The following KASH5 variants were observed in gnomAD, a reference collection of about 807,000 sequenced individuals.
KASH5 encodes KASH domain containing 5, also known as protein KASH5.
Under a neutral mutation model 84.2 loss-of-function variants are expected in KASH5, and 72 were observed. The observed-to-expected ratio is 0.85, with a 90% CI of 0.71 to 1.04. The LOEUF (loss-of-function observed/expected upper bound fraction) is 1.04, where lower values mean the gene tolerates loss of function less well. Among genes scored for constraint, KASH5 ranks in the 50% least tolerant of loss-of-function variants. The pLI, the probability that KASH5 is intolerant of heterozygous loss-of-function variation, is 0.00. For missense variants in KASH5, 650 were observed against 701.0 expected, an observed-to-expected ratio of 0.93 and a Z score of 0.82; for synonymous variants, 260 against 279.1, an observed-to-expected ratio of 0.93 and a Z score of 0.68.
intron 9 of KASH5, among the ~76,000 whole-genome samples, chr19:49,403,389 G>C (rs371671222): frequency 0.2 from 30,712 of 151,716 alleles, 3,472 homozygotes; most frequent in Non-Finnish European, 0.25. Flanking sequence ...AAAAAAAGGG[G>C]GGGGGCAGCC....
At chr19:49,404,175 A>G (rs1568617152) in intron 9 of KASH5, among the ~76,000 whole-genome samples, 2 of 152,092 alleles carry the variant, frequency 1.3e-5, no homozygotes, top group Admixed American at 6.6e-5. Flanking sequence ...GAGGGAGAGC[A>G]GCTGATGGAG....
chr19:49,398,109 G>C lies in KASH5; in HGVS notation c.595G>C (p.Glu199Gln), dbSNP rs755543638. ...TGAGGAGGGGTCAGCACGCCTTGGG[G>C]AGGAGATCTTGGCTCTGCGTAAGCA... ...TAEEGSARLG[E>Q]EILALRKQLH... Residue 199 changes from glutamate to glutamine, a missense_variant, in exon 7 of 20, where the codon GAG (glutamate) becomes CAG (glutamine). Physicochemically the swap from Glu to Gln is conservative, Grantham distance 29. Coordinates refer to ENST00000447857, the MANE Select transcript of KASH5 (RefSeq NM_144688.5). The C allele has an allele frequency of 2.9e-5, 46 of 1,603,616 alleles. No individual in the cohort carries two copies. Among genetic ancestry groups the C allele is most frequent in the Non-Finnish European group, 3.8e-5 (44 of 1,171,982 alleles).
intron 10 of KASH5, 81 bp downstream of exon 10, chr19:49,407,044 C>T: frequency 2.1e-6 from 3 of 1,398,572 alleles, no homozygotes; most frequent in Non-Finnish European, 3.0e-6. Context: ...TGACTGCAGC[C>T]TGATAAGGGC....
Position 49,406,972 on chromosome 19 carries a change from C to A in KASH5, c.876+9C>A. 1 of 1,578,168 alleles carries A rather than the reference C, an allele frequency of 6.3e-7. No individual in the cohort carries two copies. ...AGAAGGACACTTTGAAGGTGCCACTCCTTCCTAGTGCCTGACAACTTTCCA... is the reference window on the plus strand; with the variant it reads ...AGAAGGACACTTTGAAGGTGCCACTACTTCCTAGTGCCTGACAACTTTCCA... On this transcript the variant is annotated intron_variant, in intron 10 of 19. Coordinates refer to ENST00000447857, the MANE Select transcript of KASH5 (RefSeq NM_144688.5).
chr19:49,388,579 C>G (rs1222476882), intron 1 of KASH5: 2 of 152,090 alleles, frequency 1.3e-5, no homozygotes, highest in Non-Finnish European at 2.9e-5. Context: ...ATAATCCCAG[C>G]TACTCAGGAG....
intron 17 of KASH5, 138 bp downstream of exon 17, chr19:49,415,134 A>C (rs570033890): frequency 2.1e-5 from 18 of 856,850 alleles, no homozygotes; most frequent in Non-Finnish European, 3.0e-5. Context: ...TGGCCAAGAG[A>C]TAACAAGGCC....
intron 16 of KASH5, among the ~76,000 whole-genome samples, chr19:49,413,456 C>T (rs1188061696): frequency 7.2e-5 from 11 of 152,208 alleles, no homozygotes; most frequent in Admixed American, 7.2e-4. Flanking sequence ...TGACTGGGCC[C>T]ACCCTCCTCC....
Position 49,403,483 on chromosome 19 carries a change from G to A in KASH5, c.799-3403G>A, listed in dbSNP as rs546724592. Among the ~76,000 whole-genome samples the A allele has an allele frequency of 5.3e-5, 8 of 152,298 alleles. No homozygotes were observed. The East Asian group carries it at 1.5e-3, about 29-fold the overall frequency. Reference sequence around the variant, plus strand: ...CTCTTACATCTCACTGGCCAGAACTGGCTGACATAACGCCCCCAGCTGCAA... The same window carrying A: ...CTCTTACATCTCACTGGCCAGAACTAGCTGACATAACGCCCCCAGCTGCAA... On this transcript the variant is annotated intron_variant, in intron 9 of 19. Transcript: ENST00000447857.
In KASH5 at chr19:49,395,613, C is replaced by A; in HGVS notation, c.336-156C>A. ...TGCCCCTCCTGCTTTTCCATCTGGC[C>A]ACGGGCACTTGCCATCTGGCCTCAC... On this transcript the variant is annotated intron_variant, in intron 4 of 19. Transcript: ENST00000447857. This position sits in a 1 kb window ranked among gnomAD's most constrained non-coding sequence, Gnocchi z 4.4. 1 of 733,704 alleles carries A rather than the reference C, an allele frequency of 1.4e-6. No individual in the cohort carries two copies. The highest frequency in any genetic ancestry group is 2.4e-5 in the Admixed American group (1 of 41,528). 45.4% of individuals were successfully genotyped at this position (733,704 alleles called of 1,614,324 possible).
intron 9 of KASH5, among the ~76,000 whole-genome samples, chr19:49,405,833 G>C (rs1974507383): frequency 6.6e-6 from 1 of 151,758 alleles, no homozygotes; most frequent in African/African-American, 2.4e-5. Flanking sequence ...GCACATGCCT[G>C]TAATCCCAGC....
Position 49,409,282 on chromosome 19 carries a change from A to G in KASH5, c.1145A>G (p.Gln382Arg), listed in dbSNP as rs781351200. ...SLGLEIEAIR[Q>R]KQEVATADLS... ...GGCTTGGAGATCGAGGCCATTCGAC[A>G]GGTGGGCCTAACACCCCTGGAATAA... Residue 382 changes from glutamine (Q) to arginine (R), a missense_variant and splice_region_variant, in exon 14 of 20, where the codon CAG (glutamine) becomes CGG (arginine). Coordinates refer to ENST00000447857, the MANE Select transcript of KASH5 (RefSeq NM_144688.5). The G allele has an allele frequency of 5.3e-5, 85 of 1,613,394 alleles. No homozygotes were observed. The highest frequency in any genetic ancestry group is 7.2e-5 in the Non-Finnish European group (85 of 1,179,764).
intron 9 of KASH5, among the ~76,000 whole-genome samples, chr19:49,403,439 C>T (rs549032283): frequency 6.6e-6 from 1 of 152,292 alleles, no homozygotes; most frequent in East Asian, 1.9e-4. Flanking sequence ...TCAGAAGCCT[C>T]TCACCCCACC....
chr19:49,409,637 C>T, intron 14 of KASH5, 116 bp from the exon 15 acceptor site: 2 of 1,336,994 alleles, frequency 1.5e-6, no homozygotes, highest in Admixed American at 2.0e-5. Flanking sequence ...CCCACACCAG[C>T]CCTTTTCTAT....
At chr19:49,407,212 A>T (rs1344533973) in intron 10 of KASH5, 28 bp from the exon 11 acceptor site, 1 of 1,611,820 alleles carries the variant, frequency 6.2e-7, no homozygotes, top group Non-Finnish European at 8.5e-7. Context: ...GGGAGGCTGG[A>T]TGGATGGACC....
chr19:49,413,029 A>G lies in KASH5; in HGVS notation c.1328+3A>G, dbSNP rs1974771842. On this transcript the variant is annotated splice_donor_region_variant and intron_variant, in intron 16 of 19. Coordinates refer to ENST00000447857, the MANE Select transcript of KASH5 (RefSeq NM_144688.5). ...GGAAGGAAGGAGCCATCCATGTGGT[A>G]AGGAGCTGAGCCATCCGTCTGCCTC... 6.2e-7 allele frequency: 1 copy of G among 1,612,010 alleles called. No homozygotes were observed. Among genetic ancestry groups the G allele is most frequent in the South Asian group, 1.1e-5 (1 of 91,070 alleles).
At chr19:49,410,162 GA>G (rs1191388949) in intron 15 of KASH5, among the ~76,000 whole-genome samples, 2 of 152,164 alleles carry the variant, frequency 1.3e-5, no homozygotes, top group Non-Finnish European at 2.9e-5. Flanking sequence ...ACACTCTTGG[GA>G]ATTACATTAT....
At chr19:49,396,342 C>T (rs1974182313) in intron 5 of KASH5, among the ~76,000 whole-genome samples, 1 of 151,900 alleles carries the variant, frequency 6.6e-6, no homozygotes, top group South Asian at 2.1e-4. Context: ...GCCACCCCCG[C>T]CTCCTGGGTT....
intron 12 of KASH5, chr19:49,408,315 G>A (rs1014600061): frequency 3.2e-5 from 5 of 157,386 alleles, no homozygotes; most frequent in Admixed American, 3.0e-4. Context: ...TTCTCTGTTT[G>A]GCTCTGGTCT....
chr19:49,395,603 TCCATCTGGCCACGGGCACTTG>T lies in KASH5; in HGVS notation c.336-155_336-135del, dbSNP rs1974148969. 5 of 697,358 alleles carry T rather than the reference TCCATCTGGCCACGGGCACTTG, an allele frequency of 7.2e-6. 1 individual carries two copies. In the South Asian group the frequency reaches 9.0e-5, roughly 12 times the overall value. 43.2% of individuals were successfully genotyped at this position (697,358 alleles called of 1,614,324 possible). On this transcript the variant is annotated intron_variant, in intron 4 of 19. Coordinates refer to ENST00000447857, the MANE Select transcript of KASH5 (RefSeq NM_144688.5). The surrounding 1 kb of genome is among the most constrained non-coding windows in gnomAD (Gnocchi z 4.4). ...ACCCACTCCTTGCCCCTCCTGCTTT[TCCATCTGGCCACGGGCACTTG>T]CCATCTGGCCTCACCCTCCTACCCT...
Sources: allele counts gnomAD v4.1 joint callset (sites outside exome capture counted in the v4.1 genomes callset), GRCh38; gene constraint gnomAD v4.1.1; non-coding constraint Gnocchi (gnomAD v3.1); transcripts MANE v1.5; gene names NCBI Gene and HGNC (gene_info 2026-07-23, HGNC 2026-07-21).